EFEMP1: variants seen among roughly 807,000 people sequenced by gnomAD.
EFEMP1 encodes EGF-like fibulin extracellular matrix protein 1.
EFEMP1 carries 18 observed loss-of-function variants against 65.7 expected under a neutral mutation model. The observed-to-expected ratio is 0.27, with a 90% CI of 0.19 to 0.41. EFEMP1 has a LOEUF of 0.41. EFEMP1 is among the 10% of genes least tolerant of loss of function. The pLI is 1.00. For missense variants in EFEMP1, 469 were observed against 624.8 expected (o/e 0.75, Z 2.66); for synonymous variants, 237 against 219.7 (o/e 1.08, Z -0.70).
At chr2:55,910,476 A>C (rs1369934370) in intron 5 of EFEMP1, among the ~76,000 whole-genome samples, 1 of 152,226 alleles carries the variant, frequency 6.6e-6, no homozygotes, top group East Asian at 1.9e-4. Flanking sequence ...CAAAGAATAA[A>C]ATTGTGCCAG....
chr2:55,915,687 A>G, intron 5 of EFEMP1, among the ~76,000 whole-genome samples: 1 of 152,316 alleles, frequency 6.6e-6, no homozygotes, highest in South Asian at 2.1e-4. Context: ...ATAATTCAGT[A>G]TATAAAAGTT....
chr2:55,898,117 G>C (rs1398430363), intron 5 of EFEMP1, among the ~76,000 whole-genome samples: 1 of 152,154 alleles, frequency 6.6e-6, no homozygotes, highest in African/African-American at 2.4e-5. Context: ...ACAGTTTAAT[G>C]AATGTGAGCA....
intron 5 of EFEMP1, among the ~76,000 whole-genome samples, chr2:55,907,538 A>G (rs922317187): frequency 1.4e-4 from 21 of 152,358 alleles, no homozygotes; most frequent in African/African-American, 4.1e-4. Context: ...GGTATATTAG[A>G]AAATATTGGG....
Position 55,877,068 on chromosome 2 carries a change from C to T in EFEMP1, c.761-326G>A, listed in dbSNP as rs1425215950. On this transcript the variant is annotated intron_variant, in intron 7 of 11. Coordinates refer to ENST00000355426, the MANE Select transcript of EFEMP1 (RefSeq NM_001039348.3). The surrounding 1 kb of genome is among the most constrained non-coding windows in gnomAD (Gnocchi z 4.5). ...TTCTAATAAATATACACTCCGGTAT[C>T]GATTTTCTTTTGTTGTTCAGATACA... is the stretch of plus-strand genomic sequence containing the variant. Among the ~76,000 whole-genome samples the T allele has an allele frequency of 6.6e-6, 1 of 152,084 alleles. No individual in the cohort carries two copies. Among genetic ancestry groups the T allele is most frequent in the Non-Finnish European group, 1.5e-5 (1 of 68,000 alleles).
Position 55,866,904 on chromosome 2 carries a change from T to G in EFEMP1, c.*169A>C. 1.2e-6 allele frequency: 1 copy of G among 827,790 alleles called. No individual in the cohort carries two copies. The highest frequency in any genetic ancestry group is 1.9e-6 in the Non-Finnish European group (1 of 536,356). 51.3% of individuals were successfully genotyped at this position (827,790 alleles called of 1,614,324 possible). Reference sequence around the variant, plus strand: ...TAGTAATAAAGACAAACTTTGAATCTTTACATATTAAATGCCCACTTTATA... The same window carrying G: ...TAGTAATAAAGACAAACTTTGAATCGTTACATATTAAATGCCCACTTTATA... On this transcript the variant is annotated 3_prime_UTR_variant, in exon 12 of 12. Transcript: ENST00000355426.
rs953206164 is a variant in EFEMP1 at position 55,873,843 on chromosome 2, C to A, written c.1000+1103G>T. On this transcript the variant is annotated intron_variant, in intron 9 of 11. Transcript: ENST00000355426. This position sits in a 1 kb window ranked among gnomAD's most constrained non-coding sequence, Gnocchi z 4.6. ...TAAAATCATGATATAGACTGAGAAT[C>A]CCCAGTGTCTCCTTTCCTTGATCTT... Among the ~76,000 whole-genome samples the A allele has an allele frequency of 1.3e-5, 2 of 151,932 alleles. No homozygotes were observed. Among genetic ancestry groups the A allele is most frequent in the Non-Finnish European group, 1.5e-5 (1 of 67,938 alleles).
intron 11 of EFEMP1, among the ~76,000 whole-genome samples, chr2:55,868,248 T>G (rs1668663028): frequency 6.6e-6 from 1 of 152,196 alleles, no homozygotes; most frequent in South Asian, 2.1e-4. Flanking sequence ...TTGAATTAAT[T>G]TATTCATTTA....
Position 55,917,836 on chromosome 2 carries a change from C to G in EFEMP1, c.346G>C (p.Gly116Arg). The G allele has an allele frequency of 6.2e-6, 10 of 1,614,230 alleles. No homozygotes were observed. Among genetic ancestry groups the G allele is most frequent in the Non-Finnish European group, 8.5e-6 (10 of 1,180,038 alleles). ...GCAGCAGCACTGGCCACAAAACCAC[C>G]CCCGGGCAACACTCCACTGGTTGCC... ...SMATSGVLPG[G>R]GFVASAAAVA... The change falls in exon 5 of 12, where the codon GGT becomes CGT. Residue 116 changes from glycine (G) to arginine (R), a missense_variant. Around this residue, in one of 3 missense-constraint regions of EFEMP1, gnomAD observed 399 missense variants for 528.2 expected, o/e 0.76. Coordinates refer to ENST00000355426, the MANE Select transcript of EFEMP1 (RefSeq NM_001039348.3). This position sits in a 1 kb window ranked among gnomAD's most constrained non-coding sequence, Gnocchi z 6.3.
chr2:55,905,331 G>A (rs1037821672), intron 5 of EFEMP1, among the ~76,000 whole-genome samples: 2 of 152,036 alleles, frequency 1.3e-5, no homozygotes, highest in Non-Finnish European at 2.9e-5. Flanking sequence ...CCTTTAATCT[G>A]AAACCAGAAA....
At chr2:55,913,727 T>C (rs767745557) in intron 5 of EFEMP1, among the ~76,000 whole-genome samples, 12 of 152,012 alleles carry the variant, frequency 7.9e-5, no homozygotes, top group Non-Finnish European at 1.5e-4. Flanking sequence ...ATAGAGACTA[T>C]TGCCAGGTAC....
chr2:55,889,348 C>T (rs1369326983), intron 5 of EFEMP1, among the ~76,000 whole-genome samples: 1 of 152,212 alleles, frequency 6.6e-6, no homozygotes, highest in Admixed American at 6.5e-5. Context: ...ACTTCTCCAA[C>T]TCATTAACTG....
Position 55,917,864 on chromosome 2 carries a change from G to C in EFEMP1, c.318C>G (p.Ser106Arg), listed in dbSNP as rs369150030. ...GATTGVVAAS[S>R]MATSGVLPGG... ...CGGGCAACACTCCACTGGTTGCCAT[G>C]CTGCTGGCAGCTACAACCCCGGTGG... Residue 106 changes from serine (S) to arginine (R), a missense_variant, in exon 5 of 12, where the codon AGC (serine) becomes AGG (arginine). By Grantham distance (110) the Ser-to-Arg change is moderately radical (BLOSUM62 -1). Transcript: ENST00000355426. This position sits in a 1 kb window ranked among gnomAD's most constrained non-coding sequence, Gnocchi z 6.3. The C allele has an allele frequency of 1.4e-5, 23 of 1,614,138 alleles. No individual in the cohort carries two copies. The highest frequency in any genetic ancestry group is 1.9e-5 in the Non-Finnish European group (23 of 1,180,056).
At chr2:55,902,581 A>C (rs1373287576) in intron 5 of EFEMP1, among the ~76,000 whole-genome samples, 1 of 152,214 alleles carries the variant, frequency 6.6e-6, no homozygotes, top group African/African-American at 2.4e-5. Flanking sequence ...TACCGTAATT[A>C]CCCATGTCAG....
rs187072147 is a variant in EFEMP1 at position 55,910,392 on chromosome 2, C to T, written c.517+7273G>A. 2.0e-4 allele frequency among the ~76,000 whole-genome samples: 31 copies of T among 152,252 alleles called. No homozygotes were observed. The East Asian group carries it at 2.7e-3, about 13-fold the overall frequency. On this transcript the variant is annotated intron_variant, in intron 5 of 11. Transcript: ENST00000355426. The stretch of plus-strand genomic sequence containing the variant: ...GCAACATGCTAATGAATTTCAGATG[C>T]GGTGTGAATTACTTATTTGTACATT...
intron 6 of EFEMP1, among the ~76,000 whole-genome samples, chr2:55,881,389 C>T (rs1313542716): frequency 2.6e-5 from 4 of 152,176 alleles, no homozygotes; most frequent in Non-Finnish European, 4.4e-5. Flanking sequence ...AATTTCTGCT[C>T]TTGCTTCGTC....
rs1668908737 is a variant in EFEMP1, at chr2:55,873,624, T to C, written c.1000+1322A>G. 1.3e-5 allele frequency among the ~76,000 whole-genome samples: 2 copies of C among 152,034 alleles called. No individual in the cohort carries two copies. Among genetic ancestry groups the C allele is most frequent in the Admixed American group, 1.3e-4 (2 of 15,242 alleles). On this transcript the variant is annotated intron_variant, in intron 9 of 11. Coordinates refer to ENST00000355426, the MANE Select transcript of EFEMP1 (RefSeq NM_001039348.3). The surrounding 1 kb of genome is among the most constrained non-coding windows in gnomAD (Gnocchi z 4.6). Reference sequence around the variant, plus strand: ...AATTAGGGTTCAGTAAGTAAAATCATTGGAATGCAATGTTTTCCCATAATT... The same window carrying C: ...AATTAGGGTTCAGTAAGTAAAATCACTGGAATGCAATGTTTTCCCATAATT...
At position 55,867,013 on chromosome 2, in the gene EFEMP1, C is replaced by G; in HGVS notation, c.*60G>C. 6.2e-7 allele frequency: 1 copy of G among 1,600,262 alleles called. No homozygotes were observed. The highest frequency in any genetic ancestry group is 1.7e-5 in the Admixed American group (1 of 59,922). On this transcript the variant is annotated 3_prime_UTR_variant, in exon 12 of 12. Transcript: ENST00000355426. The surrounding 1 kb of genome is among the most constrained non-coding windows in gnomAD (Gnocchi z 4.3). ...AGATATATCTATAAATAAAATAGTGCTTTAAGGTAACAATATTCTTTGGCT... is the reference window on the plus strand; with the variant it reads ...AGATATATCTATAAATAAAATAGTGGTTTAAGGTAACAATATTCTTTGGCT...
At chr2:55,880,106 G>A (rs1177052564) in intron 6 of EFEMP1, among the ~76,000 whole-genome samples, 1 of 152,248 alleles carries the variant, frequency 6.6e-6, no homozygotes, top group East Asian at 1.9e-4. Context: ...GGGAACTGGT[G>A]GAATAAAGCT....
intron 6 of EFEMP1, among the ~76,000 whole-genome samples, chr2:55,881,024 T>C (rs1669219033): frequency 6.6e-6 from 1 of 152,228 alleles, no homozygotes; most frequent in African/African-American, 2.4e-5. Flanking sequence ...GAGCCTTTAA[T>C]ACCCATCTGT....
Sources: gnomAD v4.1 joint callset for allele counts (sites outside exome capture counted in the v4.1 genomes callset) on GRCh38, gnomAD v4.1.1 for gene constraint, gnomAD v4.1.1 regional missense constraint, Gnocchi (gnomAD v3.1) non-coding constraint, MANE v1.5 for transcripts, NCBI Gene and HGNC (gene_info 2026-07-23, HGNC 2026-07-21) for gene names.